The following YES1 variants were observed in gnomAD, a reference collection of about 807,000 sequenced individuals.
YES1 encodes the protein tyrosine-protein kinase Yes.
A neutral mutation model predicts 70.4 loss-of-function variants in YES1; 39 were observed. That is an observed-to-expected ratio of 0.55 (90% CI 0.43 to 0.72). The LOEUF (loss-of-function observed/expected upper bound fraction) is 0.72. Ranked by LOEUF, YES1 falls within the 30% of genes least tolerant of loss-of-function variation. The probability of loss-of-function intolerance (pLI) is 0.00; values close to 1 mark genes in which losing one functional copy is unlikely to be tolerated. For missense variants in YES1, 495 were observed against 644.8 expected (o/e 0.77, Z 2.52); for synonymous variants, 198 against 218.6 (o/e 0.91, Z 0.83).
intron 1 of YES1, among the ~76,000 whole-genome samples, chr18:805,338 TAC>T (rs1907046878): frequency 6.6e-6 from 1 of 152,172 alleles, no homozygotes; most frequent in Non-Finnish European, 1.5e-5. Context: ...GTAGAAGAGA[TAC>T]AGTAATTACA....
At chr18:771,560 C>CT (rs1166374541) in intron 1 of YES1, among the ~76,000 whole-genome samples, 2 of 151,992 alleles carry the variant, frequency 1.3e-5, no homozygotes, top group Non-Finnish European at 2.9e-5. Context: ...AGAAAGAAAA[C>CT]TTTTTTGTGA....
chr18:791,814 G>T (rs1334754830), intron 1 of YES1, among the ~76,000 whole-genome samples: 1 of 152,046 alleles, frequency 6.6e-6, no homozygotes, highest in Non-Finnish European at 1.5e-5. Flanking sequence ...CAGCACTTTG[G>T]GAGGCTGAGG....
chr18:799,361 T>C (rs1906703117), intron 1 of YES1, among the ~76,000 whole-genome samples: 1 of 152,202 alleles, frequency 6.6e-6, no homozygotes, highest in Non-Finnish European at 1.5e-5. Flanking sequence ...TCCATATGAC[T>C]TGCTTATATC....
At chr18:739,862 G>C in intron 8 of YES1, 51 bp from the exon 9 acceptor site, 1 of 1,400,598 alleles carries the variant, frequency 7.1e-7, no homozygotes, top group Non-Finnish European at 9.9e-7. Flanking sequence ...CTTATATTAG[G>C]ATTGAAATGA....
chr18:773,236 T>G (rs183404831), intron 1 of YES1, among the ~76,000 whole-genome samples: 1 of 152,370 alleles, frequency 6.6e-6, no homozygotes, highest in East Asian at 1.9e-4. Flanking sequence ...TTAATGCTGA[T>G]CCAGCTCTAC....
intron 1 of YES1, among the ~76,000 whole-genome samples, chr18:790,118 G>A (rs576971456): frequency 3.6e-4 from 55 of 152,310 alleles, no homozygotes; most frequent in Admixed American, 1.5e-3. Flanking sequence ...GCTCATGCCT[G>A]TAATCTCAGC....
At chr18:755,280 G>A (rs189857797) in intron 2 of YES1, among the ~76,000 whole-genome samples, 4 of 149,226 alleles carry the variant, frequency 2.7e-5, no homozygotes, top group East Asian at 4.0e-4. Flanking sequence ...ACAGAGTCTC[G>A]CTCTGTCACC....
intron 1 of YES1, among the ~76,000 whole-genome samples, chr18:799,250 T>C (rs1598945371): frequency 6.6e-6 from 1 of 152,178 alleles, no homozygotes; most frequent in East Asian, 1.9e-4. Context: ...TTACCTGTTC[T>C]CCCAAAATTC....
intron 1 of YES1, among the ~76,000 whole-genome samples, chr18:791,924 G>A (rs1026698081): frequency 6.6e-6 from 1 of 152,054 alleles, no homozygotes; most frequent in Middle Eastern, 3.4e-3. Context: ...GGGTGTTGGC[G>A]TGCACCTGTG....
chr18:792,563 A>G (rs887545286), intron 1 of YES1, among the ~76,000 whole-genome samples: 1 of 104,596 alleles, frequency 9.6e-6, no homozygotes. Flanking sequence ...CTCCCTCTGT[A>G]TATGTGTGTG....
At chr18:809,568 T>C (rs1907267445) in intron 1 of YES1, among the ~76,000 whole-genome samples, 1 of 152,174 alleles carries the variant, frequency 6.6e-6, no homozygotes, top group Non-Finnish European at 1.5e-5. Flanking sequence ...CCTAAAGTGC[T>C]GGGATTACAG....
chr18:765,761 G>A (rs1313189792), intron 1 of YES1, among the ~76,000 whole-genome samples: 1 of 152,152 alleles, frequency 6.6e-6, no homozygotes, highest in Admixed American at 6.5e-5. Flanking sequence ...GGAAGAAAAT[G>A]GCTAATAGTG....
rs904203858 is a variant in YES1 at position 812,167 on chromosome 18, G to C, written c.-62C>G. 2 of 152,756 alleles carry C rather than the reference G, an allele frequency of 1.3e-5. No homozygotes were observed. Among genetic ancestry groups the C allele is most frequent in the Non-Finnish European group, 2.9e-5 (2 of 68,024 alleles). The allele number at this position is 152,756 out of a possible 1,614,324, so 9.5% of individuals were successfully genotyped here. A position where few individuals can be genotyped will look rare whatever the true frequency, so the allele number is the denominator to read the frequency against. On this transcript the variant is annotated 5_prime_UTR_variant, in exon 1 of 12. Transcript: ENST00000314574. ...GCTGCTACCGCAGCTCGAGGTGGCGGAGGGCGGAGGCGAGGCCCGCGGGCC... is the reference window on the plus strand; with the variant it reads ...GCTGCTACCGCAGCTCGAGGTGGCGCAGGGCGGAGGCGAGGCCCGCGGGCC...
At chr18:762,755 C>T (rs1188571621) in intron 1 of YES1, among the ~76,000 whole-genome samples, 1 of 152,076 alleles carries the variant, frequency 6.6e-6, no homozygotes, top group African/African-American at 2.4e-5. Flanking sequence ...CAAAAGCTAT[C>T]AAAATAAAAC....
chr18:770,781 T>A (rs1257725174), intron 1 of YES1, among the ~76,000 whole-genome samples: 1 of 152,098 alleles, frequency 6.6e-6, no homozygotes, highest in East Asian at 1.9e-4. Flanking sequence ...TTGTCCAGAT[T>A]TTCAAGGTTT....
intron 11 of YES1, among the ~76,000 whole-genome samples, chr18:731,753 G>T (rs1303577716): frequency 6.6e-6 from 1 of 151,404 alleles, no homozygotes; most frequent in African/African-American, 2.4e-5. Flanking sequence ...AGATCACAAG[G>T]TCAGGAGATC....
At chr18:748,855 A>ACC (rs1480457891) in intron 3 of YES1, among the ~76,000 whole-genome samples, 3 of 152,200 alleles carry the variant, frequency 2.0e-5, no homozygotes, top group Non-Finnish European at 4.4e-5. Context: ...ACAATGAGCA[A>ACC]CAAAGTTAAA....
intron 2 of YES1, 46 bp downstream of exon 2, chr18:756,510 AG>A: frequency 6.2e-7 from 1 of 1,605,268 alleles, no homozygotes; most frequent in African/African-American, 1.3e-5. Flanking sequence ...ATATTACCCA[AG>A]GTGATGTTCT....
At chr18:763,837 C>T (rs1168744869) in intron 1 of YES1, among the ~76,000 whole-genome samples, 1 of 151,526 alleles carries the variant, frequency 6.6e-6, no homozygotes, top group Admixed American at 6.6e-5. Context: ...AAGAAAAAGT[C>T]GAGGCCAGGC....
Sources: gnomAD v4.1 joint callset for allele counts (sites outside exome capture counted in the v4.1 genomes callset) on GRCh38, gnomAD v4.1.1 for gene constraint, MANE v1.5 for transcripts, NCBI Gene and HGNC (gene_info 2026-07-23, HGNC 2026-07-21) for gene names.